Variants in KCNQ3 observed in about 807,000 individuals in gnomAD.
KCNQ3 encodes the protein potassium voltage-gated channel subfamily KQT member 3.
KCNQ3 carries 30 observed loss-of-function variants against 92.5 expected under a neutral mutation model. The observed-to-expected ratio is 0.32, with a 90% CI of 0.24 to 0.44. The LOEUF is 0.44. Ranked by LOEUF, KCNQ3 falls within the 20% of genes least tolerant of loss-of-function variation. The pLI, the probability that KCNQ3 is intolerant of heterozygous loss-of-function variation, is 1.00. For missense variants in KCNQ3, 913 were observed against 1,140.3 expected (o/e 0.80, Z 2.87); for synonymous variants, 450 against 468.8 (o/e 0.96, Z 0.52).
chr8:132,247,869 TAACA>T (rs1815239814), intron 1 of KCNQ3, among the ~76,000 whole-genome samples: 2 of 151,876 alleles, frequency 1.3e-5, no homozygotes, highest in African/African-American at 4.8e-5. Flanking sequence ...AAGTTAGCAG[TAACA>T]AACACTTACG....
intron 1 of KCNQ3, among the ~76,000 whole-genome samples, chr8:132,400,250 T>C (rs1820298837): frequency 1.3e-5 from 2 of 152,306 alleles, no homozygotes; most frequent in South Asian, 4.1e-4. Context: ...GAGCTAAATA[T>C]GAGCTCAAAT....
chr8:132,454,297 C>T (rs1821891035), intron 1 of KCNQ3, among the ~76,000 whole-genome samples: 1 of 152,160 alleles, frequency 6.6e-6, no homozygotes, highest in South Asian at 2.1e-4. Flanking sequence ...GGCAAGTCAC[C>T]CAGCCTCTCT....
chr8:132,129,425 C>T lies in KCNQ3; in HGVS notation c.2456G>A (p.Gly819Asp). The T allele has an allele frequency of 6.2e-7, 1 of 1,614,228 alleles. No homozygotes were observed. Among genetic ancestry groups the T allele is most frequent in the Non-Finnish European group, 8.5e-7 (1 of 1,180,052 alleles). ...CATCCAGCTCGACCCCCCATTGGGG[C>T]CGAACACATAATCATCTCTGTCCTG... ...ISQDRDDYVF[G>D]PNGGSSWMRE... Residue 819 changes from glycine to aspartate, a missense_variant, in exon 15 of 15, where the codon GGC becomes GAC. By Grantham distance (94) the Gly-to-Asp change is moderately conservative. This residue lies in a region of KCNQ3 where 375 missense variants were observed against 376.4 expected (regional missense o/e 1.00). Coordinates refer to ENST00000388996, the MANE Select transcript of KCNQ3 (RefSeq NM_004519.4). The surrounding 1 kb of genome is among the most constrained non-coding windows in gnomAD (Gnocchi z 5.9).
chr8:132,166,052 C>G (rs1051834264), intron 8 of KCNQ3, among the ~76,000 whole-genome samples: 1 of 152,210 alleles, frequency 6.6e-6, no homozygotes, highest in African/African-American at 2.4e-5. Context: ...AATGAACTAC[C>G]TGTTCTTGGT....
chr8:132,458,988 C>T (rs780848929), intron 1 of KCNQ3, among the ~76,000 whole-genome samples: 26 of 152,288 alleles, frequency 1.7e-4, no homozygotes, highest in Middle Eastern at 3.4e-3. Flanking sequence ...TCCCATATTT[C>T]ATTTAGTTTC....
At chr8:132,232,156 C>T (rs1302197361) in intron 1 of KCNQ3, among the ~76,000 whole-genome samples, 1 of 152,198 alleles carries the variant, frequency 6.6e-6, no homozygotes, top group Non-Finnish European at 1.5e-5. Flanking sequence ...TACTCTTGCT[C>T]TTGTCCAAGT....
At chr8:132,140,359 C>CTCATTCTATT (rs1223872220) in intron 10 of KCNQ3, 181 bp from the exon 11 acceptor site, 1 of 579,826 alleles carries the variant, frequency 1.7e-6, no homozygotes, top group Admixed American at 3.1e-5. Context: ...TCTTGGCACC[C>CTCATTCTATT]TCATTCTATT....
intron 2 of KCNQ3, among the ~76,000 whole-genome samples, chr8:132,185,778 T>G (rs1455340465): frequency 6.6e-6 from 1 of 152,262 alleles, no homozygotes; most frequent in East Asian, 1.9e-4. Context: ...AACATGCCTT[T>G]GTGTTACCTT....
intron 1 of KCNQ3, among the ~76,000 whole-genome samples, chr8:132,468,422 A>G (rs1222913977): frequency 6.6e-6 from 1 of 152,234 alleles, no homozygotes; most frequent in Admixed American, 6.5e-5. Context: ...AAATAAACTT[A>G]AACTGCTGTA....
chr8:132,200,634 C>T lies in KCNQ3; in HGVS notation c.387-14453G>A, dbSNP rs547918513. Among the ~76,000 whole-genome samples, 11 of 152,228 alleles carry T rather than the reference C, an allele frequency of 7.2e-5. No individual in the cohort carries two copies. In the South Asian group the frequency reaches 1.5e-3, roughly 20 times the overall value. ...GAGGAATAAAATAGGGGAATATACACGTTTTATGGAGGTCTCTTTAAAGAA... is the reference window on the plus strand; with the variant it reads ...GAGGAATAAAATAGGGGAATATACATGTTTTATGGAGGTCTCTTTAAAGAA... On this transcript the variant is annotated intron_variant, in intron 1 of 14. Transcript: ENST00000388996.
At chr8:132,430,760 G>A (rs991303167) in intron 1 of KCNQ3, among the ~76,000 whole-genome samples, 5 of 152,134 alleles carry the variant, frequency 3.3e-5, no homozygotes, top group African/African-American at 7.2e-5. Flanking sequence ...GGACAGAAAC[G>A]GGAAGATATT....
At chr8:132,203,986 T>C (rs1814247922) in intron 1 of KCNQ3, among the ~76,000 whole-genome samples, 1 of 152,240 alleles carries the variant, frequency 6.6e-6, no homozygotes, top group African/African-American at 2.4e-5. Flanking sequence ...CTATATTTCA[T>C]TGTCTTTCAG....
Position 132,129,282 on chromosome 8 carries a change from G to C in KCNQ3, c.2599C>G (p.Pro867Ala). ...GDGISDSVWT[P>A]SNKPI is the part of the protein sequence containing the mutation. Reference sequence around the variant, plus strand: ...CTCTTTTAAATGGGCTTATTGGAAGGGGTCCATACTGAATCAGAAATCCCA... The same window carrying C: ...CTCTTTTAAATGGGCTTATTGGAAGCGGTCCATACTGAATCAGAAATCCCA... Residue 867 changes from proline (P) to alanine (A), a missense_variant, in exon 15 of 15, where the codon CCT becomes GCT. Around this residue, in one of 6 missense-constraint regions of KCNQ3, gnomAD observed 375 missense variants for 376.4 expected, o/e 1.00. Coordinates refer to ENST00000388996, the MANE Select transcript of KCNQ3 (RefSeq NM_004519.4). This position sits in a 1 kb window ranked among gnomAD's most constrained non-coding sequence, Gnocchi z 5.9. The C allele has an allele frequency of 6.2e-7, 1 of 1,612,984 alleles. No individual in the cohort carries two copies.
intron 1 of KCNQ3, among the ~76,000 whole-genome samples, chr8:132,200,623 G>C (rs1361545073): frequency 1.3e-5 from 2 of 152,206 alleles, no homozygotes; most frequent in East Asian, 3.9e-4. Context: ...AATAAAATAG[G>C]GGAATATACA....
intron 3 of KCNQ3, among the ~76,000 whole-genome samples, chr8:132,181,531 C>G (rs576634798): frequency 6.6e-6 from 1 of 152,230 alleles, no homozygotes; most frequent in Admixed American, 6.5e-5. Context: ...AATATTTTGA[C>G]CACGGAACTA....
intron 1 of KCNQ3, among the ~76,000 whole-genome samples, chr8:132,267,370 T>G (rs1424806979): frequency 2.0e-5 from 3 of 152,192 alleles, no homozygotes; most frequent in Non-Finnish European, 4.4e-5. Context: ...ACGTCCTCTG[T>G]GCCAGGCACT....
At chr8:132,402,568 G>A (rs1225229018) in intron 1 of KCNQ3, among the ~76,000 whole-genome samples, 2 of 152,074 alleles carry the variant, frequency 1.3e-5, no homozygotes, top group African/African-American at 4.8e-5. Context: ...TTTCTAAATG[G>A]TTTCTAATAG....
intron 1 of KCNQ3, among the ~76,000 whole-genome samples, chr8:132,359,378 C>G (rs956359335): frequency 6.6e-6 from 1 of 152,168 alleles, no homozygotes; most frequent in Non-Finnish European, 1.5e-5. Flanking sequence ...TGCTCCTTCT[C>G]TCTCATAGGC....
intron 1 of KCNQ3, among the ~76,000 whole-genome samples, chr8:132,324,631 G>A (rs1026572026): frequency 1.3e-5 from 2 of 152,204 alleles, no homozygotes; most frequent in African/African-American, 2.4e-5. Flanking sequence ...GCAACCATTT[G>A]TTGAGCACAT....
Sources: gnomAD v4.1 joint callset for allele counts (sites outside exome capture counted in the v4.1 genomes callset) on GRCh38, gnomAD v4.1.1 for gene constraint, gnomAD v4.1.1 regional missense constraint, Gnocchi (gnomAD v3.1) non-coding constraint, MANE v1.5 for transcripts, NCBI Gene and HGNC (gene_info 2026-07-23, HGNC 2026-07-21) for gene names.